The following DHX34 variants were observed in gnomAD, a reference collection of about 807,000 sequenced individuals.
The protein encoded by DHX34 is DExH-box helicase 34, also known as probable ATP-dependent RNA helicase DHX34.
In DHX34, 96 loss-of-function variants were observed where a neutral mutation model predicts 111.1. That is an observed-to-expected ratio of 0.86 (90% confidence interval 0.73 to 1.02). DHX34 has a LOEUF of 1.02. DHX34 is among the 50% of genes least tolerant of loss of function. The pLI, the probability that DHX34 is intolerant of heterozygous loss-of-function variation, is 0.00. For synonymous variants in DHX34, 688 were observed against 670.4 expected, an observed-to-expected ratio of 1.03 and a Z score of -0.41; for missense variants, 1,560 against 1,579.9, an observed-to-expected ratio of 0.99 and a Z score of 0.21.
chr19:47,357,692 A>G (rs940656475), intron 3 of DHX34, 174 bp from the exon 4 acceptor site: 45 of 947,736 alleles, frequency 4.7e-5, no homozygotes, highest in Non-Finnish European at 5.5e-5. Context: ...GAGAAAGGAG[A>G]AGCCTGGATC....
At chr19:47,365,657 C>G (rs1354285820) in intron 6 of DHX34, among the ~76,000 whole-genome samples, 4 of 152,196 alleles carry the variant, frequency 2.6e-5, no homozygotes, top group Non-Finnish European at 4.4e-5. Context: ...GCCAGAACTT[C>G]TAGTGCCCTC....
intron 1 of DHX34, among the ~76,000 whole-genome samples, chr19:47,351,181 T>C (rs1034180080): frequency 3.4e-5 from 4 of 117,210 alleles, no homozygotes; most frequent in South Asian, 2.9e-4. Context: ...CTTTTTTTTT[T>C]TTTTTTTTTT....
intron 9 of DHX34, 103 bp downstream of exon 9, chr19:47,373,803 A>C (rs1206101752): frequency 2.1e-6 from 3 of 1,411,904 alleles, no homozygotes; most frequent in Non-Finnish European, 2.9e-6. Flanking sequence ...TCAGACCAGA[A>C]TCCCACCCTG....
chr19:47,376,873 C>T (rs990319689), intron 12 of DHX34: 14 of 1,532,016 alleles, frequency 9.1e-6, no homozygotes, highest in Non-Finnish European at 1.2e-5. Context: ...CAGAGGGAGG[C>T]CCCCCTGGCA....
intron 5 of DHX34, among the ~76,000 whole-genome samples, chr19:47,360,576 C>T (rs749848852): frequency 1.3e-5 from 2 of 152,126 alleles, no homozygotes; most frequent in Non-Finnish European, 2.9e-5. Context: ...TAAATGTCCA[C>T]CCGTCAGAGA....
Position 47,375,917 on chromosome 19 carries a change from C to T in DHX34, c.2308-7C>T, listed in dbSNP as rs1255473782. 2.5e-6 allele frequency: 4 copies of T among 1,598,728 alleles called. No homozygotes were observed. Among genetic ancestry groups the T allele is most frequent in the East Asian group, 2.2e-5 (1 of 44,484 alleles). On this transcript the variant is annotated splice_region_variant and splice_polypyrimidine_tract_variant and intron_variant, in intron 10 of 16. Coordinates refer to ENST00000328771, the MANE Select transcript of DHX34 (RefSeq NM_014681.6). ...CCTAAGACTCTGCCTCCCCGTGCTCCCCCCAGGATGTGAAGTTCAAGCTTC... is the reference window on the plus strand; with the variant it reads ...CCTAAGACTCTGCCTCCCCGTGCTCTCCCCAGGATGTGAAGTTCAAGCTTC...
In DHX34 at chr19:47,382,002, A is replaced by C. The variant is rs200127596; in HGVS notation, c.3321A>C (p.Glu1107Asp). The change falls in exon 17 of 17, where the codon GAA (glutamate) becomes GAC (aspartate). Residue 1107 changes from glutamate to aspartate, a missense_variant. Glu to Asp is a conservative substitution (Grantham distance 45). Coordinates refer to ENST00000328771, the MANE Select transcript of DHX34 (RefSeq NM_014681.6). The stretch of plus-strand genomic sequence containing the variant: ...TAGGGGCTGAGGAAGCTGCCCTCGA[A>C]ACCCTCCAGAAGACATCTGTCCTGC... The part of the protein sequence containing the change: ...GPPGAEEAAL[E>D]TLQKTSVLQR... The C allele has an allele frequency of 2.4e-5, 38 of 1,614,022 alleles. No individual in the cohort carries two copies. The highest frequency in any genetic ancestry group is 3.2e-5 in the Non-Finnish European group (38 of 1,179,958).
chr19:47,355,022 T>C lies in DHX34; in HGVS notation c.706-17T>C. 6.2e-7 allele frequency: 1 copy of C among 1,611,970 alleles called. No individual in the cohort carries two copies. Among genetic ancestry groups the C allele is most frequent in the Non-Finnish European group, 8.5e-7 (1 of 1,178,632 alleles). ...GGCTCAGGGTCCTCTCCTGATCCTT[T>C]CTTTCTCCCACCCCAGGTCGGCTAC... On this transcript the variant is annotated splice_polypyrimidine_tract_variant and intron_variant, in intron 2 of 16. Coordinates refer to ENST00000328771, the MANE Select transcript of DHX34 (RefSeq NM_014681.6).
At chr19:47,380,028 G>C in intron 14 of DHX34, 43 bp downstream of exon 14, 1 of 1,536,244 alleles carries the variant, frequency 6.5e-7, no homozygotes, top group Non-Finnish European at 8.8e-7. Flanking sequence ...TGGCCAGAAG[G>C]GGCATCCGTC....
chr19:47,380,035 C>T (rs772655279), intron 14 of DHX34, 50 bp downstream of exon 14: 98 of 1,526,660 alleles, frequency 6.4e-5, no homozygotes, highest in Non-Finnish European at 8.0e-5. Flanking sequence ...AAGGGGCATC[C>T]GTCACTGGGC....
chr19:47,373,655 G>A lies in DHX34; in HGVS notation c.2019G>A (p.Glu673=), dbSNP rs745611637. The A allele has an allele frequency of 6.2e-7, 1 of 1,614,104 alleles. No homozygotes were observed. The highest frequency in any genetic ancestry group is 1.7e-5 in the Admixed American group (1 of 60,030). ...AGTGGTGCCGCCGCCGGGGCATAGAGGAGCATCGACTGTACGAAATGGCCA... is the reference window on the plus strand; with the variant it reads ...AGTGGTGCCGCCGCCGGGGCATAGAAGAGCATCGACTGTACGAAATGGCCA... ...SRKWCRRRGI[E]EHRLYEMANL... The change falls in exon 9 of 17, where the codon GAG becomes GAA. Residue 673 remains glutamate (E), a synonymous_variant. Coordinates refer to ENST00000328771, the MANE Select transcript of DHX34 (RefSeq NM_014681.6).
intron 2 of DHX34, among the ~76,000 whole-genome samples, chr19:47,354,629 G>A (rs2122218851): frequency 6.6e-6 from 1 of 152,094 alleles, no homozygotes; most frequent in African/African-American, 2.4e-5. Context: ...GGTAGGCATG[G>A]TATTTGCTTA....
chr19:47,375,766 T>G, intron 10 of DHX34, 58 bp downstream of exon 10: 1 of 1,558,356 alleles, frequency 6.4e-7, no homozygotes, highest in South Asian at 1.2e-5. Context: ...TGGCCTCTCC[T>G]GGGGGGGTCC....
chr19:47,381,850 G>A (rs765524236), intron 16 of DHX34, 130 bp from the exon 17 acceptor site: 54 of 1,502,346 alleles, frequency 3.6e-5, no homozygotes, highest in Non-Finnish European at 3.2e-5. Flanking sequence ...AGGGCTTCCT[G>A]GAGGAGGCAA....
rs1262054800 is a variant in DHX34, at chr19:47,353,003, A to G, written c.-28A>G. Reference sequence around the variant, plus strand: ...AGAATATTTGTTTTGGGTGATCAGAACTGAGACTCCTATTGTGGATTAGTA... The same window carrying G: ...AGAATATTTGTTTTGGGTGATCAGAGCTGAGACTCCTATTGTGGATTAGTA... On this transcript the variant is annotated 5_prime_UTR_variant, in exon 2 of 17. Coordinates refer to ENST00000328771, the MANE Select transcript of DHX34 (RefSeq NM_014681.6). The surrounding 1 kb of genome is among the most constrained non-coding windows in gnomAD (Gnocchi z 4.6). The G allele has an allele frequency of 1.1e-5, 17 of 1,594,394 alleles. No individual in the cohort carries two copies. The highest frequency in any genetic ancestry group is 1.4e-5 in the Non-Finnish European group (16 of 1,166,886).
intron 5 of DHX34, among the ~76,000 whole-genome samples, chr19:47,361,789 G>A (rs561458894): frequency 8.5e-5 from 13 of 152,070 alleles, no homozygotes; most frequent in African/African-American, 2.7e-4. Context: ...AGAAAAGAAA[G>A]AAAATGTAAA....
At chr19:47,371,200 T>C (rs779218721) in intron 7 of DHX34, among the ~76,000 whole-genome samples, 13 of 152,178 alleles carry the variant, frequency 8.5e-5, no homozygotes, top group Non-Finnish European at 1.6e-4. Flanking sequence ...AGCCTGGCTT[T>C]GATCGGAGGT....
intron 7 of DHX34, among the ~76,000 whole-genome samples, chr19:47,370,782 TC>T (rs1969941337): frequency 6.6e-6 from 1 of 152,120 alleles, no homozygotes; most frequent in Non-Finnish European, 1.5e-5. Context: ...GTTCAAGTGA[TC>T]CTCCCACCTC....
Position 47,356,211 on chromosome 19 carries a change from A to G in DHX34, c.1017+861A>G, listed in dbSNP as rs563344714. ...TCCCTCTGGGGCAAAACCACCCCTA[A>G]TTGAGAAACACTGTCCTAGTGAGTT... On this transcript the variant is annotated intron_variant, in intron 3 of 16. Coordinates refer to ENST00000328771, the MANE Select transcript of DHX34 (RefSeq NM_014681.6). Among the ~76,000 whole-genome samples the G allele has an allele frequency of 1.4e-4, 22 of 152,232 alleles. No homozygotes were observed. The South Asian group carries it at 4.6e-3, about 32-fold the overall frequency.
Sources: allele counts gnomAD v4.1 joint callset (sites outside exome capture counted in the v4.1 genomes callset), GRCh38; gene constraint gnomAD v4.1.1; non-coding constraint Gnocchi (gnomAD v3.1); transcripts MANE v1.5; gene names NCBI Gene and HGNC (gene_info 2026-07-23, HGNC 2026-07-21).